Variants in CSMD3 observed in about 807,000 individuals in gnomAD.
CSMD3 encodes the protein CUB and sushi domain-containing protein 3.
CSMD3 carries 177 observed loss-of-function variants against 435.2 expected under a neutral mutation model. The observed-to-expected ratio is 0.41, with a 90% CI of 0.36 to 0.46. CSMD3 has a LOEUF of 0.46. Among genes scored for constraint, CSMD3 ranks in the 20% least tolerant of loss-of-function variants. The pLI is 0.34. For synonymous variants in CSMD3, 1,656 were observed against 1,520.5 expected, an observed-to-expected ratio of 1.09 and a Z score of -2.07; for missense variants, 4,265 against 4,504.6, an observed-to-expected ratio of 0.95 and a Z score of 1.52.
chr8:112,798,885 A>C (rs984864618), intron 13 of CSMD3, among the ~76,000 whole-genome samples: 1 of 151,870 alleles, frequency 6.6e-6, no homozygotes, highest in African/African-American at 2.4e-5. Context: ...AGAAACAGAA[A>C]AAGATACATT....
In CSMD3 at chr8:112,804,651, A is replaced by ATTTAT. The variant is rs141780935; in HGVS notation, c.1860-4382_1860-4378dup. ...ACTTTCTCTCATGCTAACTCATTGC[A>ATTTAT]TTTATTTTATTTTATTTTATTTTAT... On this transcript the variant is annotated intron_variant, in intron 12 of 70. Coordinates refer to ENST00000297405, the MANE Select transcript of CSMD3 (RefSeq NM_198123.2). Among the ~76,000 whole-genome samples, 88 of 9,164 alleles carry ATTTAT rather than the reference A, an allele frequency of 9.6e-3. No homozygotes were observed. The East Asian group carries it at 0.38, about 40-fold the overall frequency. The allele number at this position is 9,164 out of a possible 152,430, so 6.0% of individuals were successfully genotyped here.
intron 7 of CSMD3, among the ~76,000 whole-genome samples, chr8:112,962,601 C>T (rs561318634): frequency 6.6e-6 from 1 of 151,712 alleles, no homozygotes; most frequent in African/African-American, 2.4e-5. Flanking sequence ...AGTCCATCAT[C>T]CCTGTGATTT....
chr8:112,228,812 A>C lies in CSMD3; in HGVS notation c.10908T>G (p.Leu3636=). 6.3e-7 allele frequency: 1 copy of C among 1,591,512 alleles called. No homozygotes were observed. Among genetic ancestry groups the C allele is most frequent in the Non-Finnish European group, 8.6e-7 (1 of 1,159,976 alleles). ...TNSSSVAIAI[L]VPFFALIFAG... ...CAAATATAAGTGCAAAAAAAGGCACAAGAATAGCAATGGCTACAGAACTAC... is the reference window on the plus strand; with the variant it reads ...CAAATATAAGTGCAAAAAAAGGCACCAGAATAGCAATGGCTACAGAACTAC... The change falls in exon 70 of 71, where the codon CTT becomes CTG. Residue 3636 remains leucine (L), a synonymous_variant. Transcript: ENST00000297405.
intron 5 of CSMD3, among the ~76,000 whole-genome samples, chr8:113,072,983 C>T (rs2089189764): frequency 1.3e-5 from 2 of 151,224 alleles, no homozygotes; most frequent in Non-Finnish European, 3.0e-5. Flanking sequence ...GACTTTGTTA[C>T]TGATCTATTT....
intron 4 of CSMD3, among the ~76,000 whole-genome samples, chr8:113,120,572 C>A (rs1188535147): frequency 1.3e-5 from 2 of 152,058 alleles, no homozygotes; most frequent in East Asian, 1.9e-4. Context: ...ATTTCAGCAC[C>A]AATCTTGTGC....
At chr8:113,057,933 A>C (rs1229798001) in intron 5 of CSMD3, among the ~76,000 whole-genome samples, 2 of 151,842 alleles carry the variant, frequency 1.3e-5, no homozygotes, top group Non-Finnish European at 2.9e-5. Context: ...TCCTAAATAA[A>C]AGACTAAAAT....
At chr8:112,911,816 G>A (rs1297318236) in intron 10 of CSMD3, among the ~76,000 whole-genome samples, 1 of 146,766 alleles carries the variant, frequency 6.8e-6, no homozygotes, top group African/African-American at 2.5e-5. Context: ...TATATGTTAT[G>A]TAATATAACA....
intron 13 of CSMD3, among the ~76,000 whole-genome samples, chr8:112,746,159 A>C (rs899892678): frequency 6.6e-6 from 1 of 152,232 alleles, no homozygotes; most frequent in African/African-American, 2.4e-5. Flanking sequence ...GGAATAAATA[A>C]GAGAACAATC....
chr8:112,625,329 T>A (rs1348230777), intron 22 of CSMD3, among the ~76,000 whole-genome samples: 5 of 151,960 alleles, frequency 3.3e-5, no homozygotes, highest in Non-Finnish European at 7.4e-5. Context: ...ATTGAACAAG[T>A]GAGAAATCAT....
intron 22 of CSMD3, among the ~76,000 whole-genome samples, chr8:112,593,571 G>A (rs1274872878): frequency 6.6e-6 from 1 of 152,052 alleles, no homozygotes; most frequent in Non-Finnish European, 1.5e-5. Context: ...CCATGAGATT[G>A]ATCTTTTAAA....
chr8:112,652,275 A>T (rs1442638907), intron 18 of CSMD3, among the ~76,000 whole-genome samples: 1 of 152,074 alleles, frequency 6.6e-6, no homozygotes, highest in Non-Finnish European at 1.5e-5. Context: ...TGTCCTCTTA[A>T]TGTACACAAT....
At chr8:112,641,958 G>A (rs1478488651) in intron 20 of CSMD3, among the ~76,000 whole-genome samples, 5 of 152,040 alleles carry the variant, frequency 3.3e-5, no homozygotes, top group Non-Finnish European at 5.9e-5. Flanking sequence ...GGAAAGAAGG[G>A]GATTAGACAG....
chr8:112,260,033 A>G (rs528388082), intron 61 of CSMD3, among the ~76,000 whole-genome samples: 3 of 152,320 alleles, frequency 2.0e-5, no homozygotes, highest in Admixed American at 1.3e-4. Flanking sequence ...TCATGTATAA[A>G]CCAAACAACC....
chr8:113,375,000 C>A (rs1318820402), intron 1 of CSMD3, among the ~76,000 whole-genome samples: 1 of 151,936 alleles, frequency 6.6e-6, no homozygotes, highest in Non-Finnish European at 1.5e-5. Flanking sequence ...TATAAAACAA[C>A]TTTTTATTTG....
At chr8:112,985,861 T>C (rs2085237039) in intron 6 of CSMD3, among the ~76,000 whole-genome samples, 1 of 152,174 alleles carries the variant, frequency 6.6e-6, no homozygotes, top group Non-Finnish European at 1.5e-5. Flanking sequence ...GGGATCCCAC[T>C]GCTTCTCCAT....
chr8:112,254,445 TAATGTA>T (rs1815596018), intron 62 of CSMD3, 119 bp from the exon 63 acceptor site: 1 of 769,590 alleles, frequency 1.3e-6, no homozygotes, highest in African/African-American at 1.7e-5. Flanking sequence ...AAATAATAAA[TAATGTA>T]AATGTAATAA....
intron 3 of CSMD3, among the ~76,000 whole-genome samples, chr8:113,204,821 T>C (rs1307486295): frequency 6.6e-6 from 1 of 152,146 alleles, no homozygotes; most frequent in African/African-American, 2.4e-5. Flanking sequence ...CTAATAAAGA[T>C]ATACCCGAGA....
chr8:112,977,013 AT>A (rs1202389309), intron 6 of CSMD3, among the ~76,000 whole-genome samples: 9 of 151,986 alleles, frequency 5.9e-5, no homozygotes, highest in African/African-American at 2.2e-4. Context: ...CTAATTAAAT[AT>A]TTTTTAATAA....
chr8:112,870,399 G>A (rs531708943), intron 10 of CSMD3, among the ~76,000 whole-genome samples: 244 of 151,570 alleles, frequency 1.6e-3, no homozygotes, highest in Non-Finnish European at 2.7e-3. Context: ...CTCCCGAGTA[G>A]CTGGGACTAC....
Sources: gnomAD v4.1 joint callset for allele counts (sites outside exome capture counted in the v4.1 genomes callset) on GRCh38, gnomAD v4.1.1 for gene constraint, MANE v1.5 for transcripts, NCBI Gene and HGNC (gene_info 2026-07-23, HGNC 2026-07-21) for gene names.